Variants in STAU1 observed in about 807,000 individuals in gnomAD.
STAU1 encodes the protein staufen double-stranded RNA binding protein 1.
A neutral mutation model predicts 62.9 loss-of-function variants in STAU1; 13 were observed. That is an observed-to-expected ratio of 0.21 (90% CI 0.13 to 0.33). STAU1 has a LOEUF of 0.33. STAU1 is among the 10% of genes least tolerant of loss of function. STAU1 has a pLI of 1.00. For missense variants in STAU1, 571 were observed against 712.1 expected, an observed-to-expected ratio of 0.80 and a Z score of 2.25; for synonymous variants, 269 against 265.1, an observed-to-expected ratio of 1.01 and a Z score of -0.14.
intron 1 of STAU1, among the ~76,000 whole-genome samples, chr20:49,185,432 G>A (rs2093775287): frequency 6.6e-6 from 1 of 152,186 alleles, no homozygotes; most frequent in Non-Finnish European, 1.5e-5. Flanking sequence ...GAAGGCATTG[G>A]ATCAAGAGTT....
intron 13 of STAU1, 22 bp downstream of exon 13, chr20:49,115,760 T>TCC (rs2092306250): frequency 6.2e-7 from 1 of 1,601,784 alleles, no homozygotes; most frequent in Admixed American, 1.7e-5. Flanking sequence ...ATCAGCGCCT[T>TCC]CCCCTTCATC....
chr20:49,131,337 GT>G (rs1339949811), intron 6 of STAU1, among the ~76,000 whole-genome samples: 7 of 152,172 alleles, frequency 4.6e-5, no homozygotes, highest in Non-Finnish European at 7.3e-5. Flanking sequence ...GAGACAACTG[GT>G]GAAATGTGAA....
At chr20:49,194,226 G>A in the STAU1 span, among the ~76,000 whole-genome samples, 1 of 151,832 alleles carries the variant, frequency 6.6e-6, no homozygotes, top group African/African-American at 2.4e-5. Context: ...ATTGGGACTT[G>A]AGAGACCAGC....
At chr20:49,144,969 TACAAAAGG>T (rs2093094086) in intron 5 of STAU1, among the ~76,000 whole-genome samples, 1 of 152,180 alleles carries the variant, frequency 6.6e-6, no homozygotes, top group East Asian at 1.9e-4. Flanking sequence ...TGTAAAGACT[TACAAAAGG>T]ATCCAAAAGA....
chr20:49,187,348 T>C (rs1419508455), intron 1 of STAU1, among the ~76,000 whole-genome samples: 2 of 152,170 alleles, frequency 1.3e-5, no homozygotes, highest in African/African-American at 4.8e-5. Flanking sequence ...CAATTAAGCG[T>C]ACGCCCCTTT....
At chr20:49,159,016 T>G (rs1021938679) in intron 3 of STAU1, 8 of 1,289,016 alleles carry the variant, frequency 6.2e-6, no homozygotes, top group Non-Finnish European at 8.1e-6. Context: ...GCTACTCATT[T>G]AAGTACAAAC....
intron 3 of STAU1, among the ~76,000 whole-genome samples, chr20:49,162,100 A>C (rs771844026): frequency 5.9e-5 from 9 of 152,098 alleles, no homozygotes; most frequent in Non-Finnish European, 8.8e-5. Context: ...CTCTCAAACA[A>C]CACTTGTCAT....
At chr20:49,214,174 T>C in the STAU1 span, among the ~76,000 whole-genome samples, 3 of 152,100 alleles carry the variant, frequency 2.0e-5, no homozygotes, top group African/African-American at 7.2e-5. Context: ...ATCATGCCAC[T>C]GCATTCCAGC....
Position 49,166,038 on chromosome 20 carries a change from G to C in STAU1, c.164C>G (p.Ala55Gly). ...ENAGRPIQNS[A>G]LPSASITSTS... ...GGATGTAATAGATGCAGAGGGTAAA[G>C]CAGAGTTTTGAATGGGTCTACCTGC... is the stretch of plus-strand genomic sequence containing the variant. The change falls in exon 3 of 14, where the codon GCT becomes GGT. Residue 55 changes from alanine to glycine, a missense_variant. By Grantham distance (60) the Ala-to-Gly change is moderately conservative. This residue lies in a region of STAU1 where 414 missense variants were observed against 499.6 expected (regional missense o/e 0.83). Coordinates refer to ENST00000371856, the MANE Select transcript of STAU1 (RefSeq NM_017453.4). 6.2e-7 allele frequency: 1 copy of C among 1,614,224 alleles called. No individual in the cohort carries two copies. Among genetic ancestry groups the C allele is most frequent in the Non-Finnish European group, 8.5e-7 (1 of 1,180,042 alleles).
At chr20:49,200,204 C>A in the STAU1 span, among the ~76,000 whole-genome samples, 1 of 152,154 alleles carries the variant, frequency 6.6e-6, no homozygotes, top group Non-Finnish European at 1.5e-5. Flanking sequence ...TAGCTTAATT[C>A]ATAAGAGCCA....
the STAU1 span, among the ~76,000 whole-genome samples, chr20:49,205,806 C>G: frequency 6.7e-6 from 1 of 149,664 alleles, no homozygotes; most frequent in Non-Finnish European, 1.5e-5. Flanking sequence ...TCCCGAGTAG[C>G]TGGGAATACA....
At chr20:49,144,792 T>C (rs1440268462) in intron 5 of STAU1, among the ~76,000 whole-genome samples, 2 of 152,206 alleles carry the variant, frequency 1.3e-5, no homozygotes, top group Non-Finnish European at 2.9e-5. Flanking sequence ...TACTTCACTA[T>C]TGTATATCCA....
At chr20:49,187,909 G>A (rs2146657761) in intron 1 of STAU1, among the ~76,000 whole-genome samples, 1 of 151,610 alleles carries the variant, frequency 6.6e-6, no homozygotes, top group Non-Finnish European at 1.5e-5. Context: ...GGGGGCGCCC[G>A]GGGCCAGGCC....
chr20:49,180,442 G>T (rs1442807391), intron 1 of STAU1, among the ~76,000 whole-genome samples: 1 of 151,912 alleles, frequency 6.6e-6, no homozygotes, highest in East Asian at 1.9e-4. Context: ...TCCTGCCTCA[G>T]CCCCCGGGGT....
At chr20:49,132,398 A>G (rs1337859918) in intron 6 of STAU1, among the ~76,000 whole-genome samples, 1 of 152,210 alleles carries the variant, frequency 6.6e-6, no homozygotes, top group Middle Eastern at 3.2e-3. Flanking sequence ...AGCATGTCAC[A>G]ATTGTCTCCC....
the STAU1 span, among the ~76,000 whole-genome samples, chr20:49,215,182 C>A: frequency 6.6e-6 from 1 of 152,286 alleles, no homozygotes; most frequent in East Asian, 1.9e-4. Context: ...GGCTTTTGCA[C>A]TTGCTGGGTT....
chr20:49,130,103 T>C (rs1168668052), intron 6 of STAU1, among the ~76,000 whole-genome samples: 7 of 148,254 alleles, frequency 4.7e-5, no homozygotes, highest in South Asian at 2.1e-4. Context: ...AGATACACTG[T>C]AGTGTGTACA....
At position 49,123,223 on chromosome 20, in the gene STAU1, G is replaced by T. The variant is rs2092508932; in HGVS notation, c.835C>A (p.Pro279Thr). The T allele has an allele frequency of 1.2e-6, 2 of 1,613,954 alleles. No homozygotes were observed. The highest frequency in any genetic ancestry group is 2.2e-5 in the South Asian group (2 of 91,086). ...GGATTGATCCCCTGGCCATATTCTG[G>T]GCTTGTCTGTGGCTGAGGAACAAAC... ...TKPIVKPQTSPEYGQGINPIS... is the reference protein window; with the variant it reads ...TKPIVKPQTSTEYGQGINPIS... Residue 279 changes from proline (P) to threonine (T), a missense_variant, in exon 8 of 14, where the codon CCA becomes ACA. By Grantham distance (38) the Pro-to-Thr change is conservative. Transcript: ENST00000371856.
At chr20:49,118,235 C>T in intron 10 of STAU1, 98 bp downstream of exon 10, 1 of 1,378,562 alleles carries the variant, frequency 7.3e-7, no homozygotes, top group Non-Finnish European at 1.0e-6. Flanking sequence ...AGACACTTTG[C>T]ATGCGGGACC....
Sources: gnomAD v4.1 joint callset for allele counts (sites outside exome capture counted in the v4.1 genomes callset) on GRCh38, gnomAD v4.1.1 for gene constraint, gnomAD v4.1.1 regional missense constraint, MANE v1.5 for transcripts, NCBI Gene and HGNC (gene_info 2026-07-23, HGNC 2026-07-21) for gene names.